Variants in CTNNA2 observed in about 807,000 individuals in gnomAD.
CTNNA2 encodes catenin alpha 2, also known as catenin alpha-2.
CTNNA2 carries 42 observed loss-of-function variants against 101.0 expected under a neutral mutation model. The ratio of observed to expected loss-of-function variants is 0.42; its 90% CI spans 0.32 to 0.54. CTNNA2 has a LOEUF of 0.54. CTNNA2 is among the 20% of genes least tolerant of loss of function. The pLI is 0.14. For missense variants in CTNNA2, 871 were observed against 1,223.1 expected (o/e 0.71, Z 4.29); for synonymous variants, 450 against 456.4 (o/e 0.99, Z 0.18).
chr2:79,935,155 G>T (rs945807152), intron 7 of CTNNA2, among the ~76,000 whole-genome samples: 4 of 152,170 alleles, frequency 2.6e-5, no homozygotes, highest in African/African-American at 9.7e-5. Flanking sequence ...GCCAGCCGTG[G>T]TGTTAGGTGC....
intron 7 of CTNNA2, among the ~76,000 whole-genome samples, chr2:80,136,936 G>A (rs996297411): frequency 3.3e-5 from 5 of 152,100 alleles, no homozygotes; most frequent in African/African-American, 1.2e-4. Context: ...CTGCATGAAG[G>A]TGGCCTCTTC....
chr2:79,573,606 A>G (rs1675601785), intron 1 of CTNNA2, among the ~76,000 whole-genome samples: 1 of 152,246 alleles, frequency 6.6e-6, no homozygotes, highest in Admixed American at 6.5e-5. Flanking sequence ...TAAATTAAAC[A>G]TAGAACCACG....
At chr2:79,443,796 A>G (rs1055230721) in intron 4 of CTNNA2, among the ~76,000 whole-genome samples, 9 of 152,026 alleles carry the variant, frequency 5.9e-5, no homozygotes, top group Non-Finnish European at 1.2e-4. Context: ...ATATTATGTA[A>G]GGCTTTCTGT....
rs75670460 is a variant in CTNNA2 at position 80,022,650 on chromosome 2, G to C, written c.1056+112853G>C. On this transcript the variant is annotated intron_variant, in intron 7 of 18. Coordinates refer to ENST00000402739, the MANE Select transcript of CTNNA2 (RefSeq NM_001282597.3). ...GGATGAACTAACGGAAGAGACATGG[G>C]GGAAGGAGTGGAAGGAAAAAATCCT... is the stretch of plus-strand genomic sequence containing the variant. Among the ~76,000 whole-genome samples the C allele has an allele frequency of 7.8e-4, 118 of 152,170 alleles. 1 individual carries two copies. In the East Asian group the frequency reaches 0.018, roughly 24 times the overall value.
rs925607826 is a variant in CTNNA2, at chr2:79,639,983, T to C, written c.-5-11569T>C. Among the ~76,000 whole-genome samples, 27 of 151,692 alleles carry C rather than the reference T, an allele frequency of 1.8e-4. No homozygotes were observed. In the South Asian group the frequency reaches 2.3e-3, roughly 13 times the overall value. On this transcript the variant is annotated intron_variant, in intron 1 of 18. Coordinates refer to ENST00000402739, the MANE Select transcript of CTNNA2 (RefSeq NM_001282597.3). Reference sequence around the variant, plus strand: ...GTGTGAAGAGAGAGAGAGAGAAACTTGAACGTGGCAAAGAATCAAGCCCAT... The same window carrying C: ...GTGTGAAGAGAGAGAGAGAGAAACTCGAACGTGGCAAAGAATCAAGCCCAT...
intron 7 of CTNNA2, among the ~76,000 whole-genome samples, chr2:79,933,616 G>A (rs60274840): frequency 0.17 from 25,611 of 151,910 alleles, 2,256 homozygotes; most frequent in Middle Eastern, 0.23. Context: ...CACCACACCT[G>A]ACTAATTTTT....
chr2:80,335,505 C>G (rs1296346762), intron 7 of CTNNA2, among the ~76,000 whole-genome samples: 1 of 152,100 alleles, frequency 6.6e-6, no homozygotes, highest in Non-Finnish European at 1.5e-5. Context: ...AGTGTACAAT[C>G]ACATCAAAAT....
intron 3 of CTNNA2, among the ~76,000 whole-genome samples, chr2:79,758,846 T>A (rs72824512): frequency 0.023 from 3,524 of 152,320 alleles, 49 homozygotes; most frequent in South Asian, 0.036. Flanking sequence ...CAATCCACTG[T>A]TGATCAGTAC....
chr2:79,951,328 G>T (rs1159859707), intron 7 of CTNNA2, among the ~76,000 whole-genome samples: 2 of 152,128 alleles, frequency 1.3e-5, no homozygotes, highest in African/African-American at 2.4e-5. Context: ...TACAGCCAGG[G>T]TTAGTAATCT....
chr2:79,831,545 T>A (rs796936563), intron 3 of CTNNA2, among the ~76,000 whole-genome samples: 12 of 152,286 alleles, frequency 7.9e-5, no homozygotes, highest in African/African-American at 2.9e-4. Context: ...CCCACAATTT[T>A]GCCTTAATAC....
At chr2:79,699,894 A>G (rs1684891983) in intron 2 of CTNNA2, among the ~76,000 whole-genome samples, 1 of 148,280 alleles carries the variant, frequency 6.7e-6, no homozygotes, top group Non-Finnish European at 1.5e-5. Flanking sequence ...TATAATACAT[A>G]TATTTATATA....
intron 7 of CTNNA2, among the ~76,000 whole-genome samples, chr2:79,962,176 G>C (rs1407117380): frequency 6.6e-6 from 1 of 152,228 alleles, no homozygotes; most frequent in Non-Finnish European, 1.5e-5. Context: ...ACCACAATTG[G>C]CTGGCAACTG....
At chr2:80,445,561 T>C (rs761277938) in intron 9 of CTNNA2, among the ~76,000 whole-genome samples, 3 of 152,136 alleles carry the variant, frequency 2.0e-5, no homozygotes, top group Non-Finnish European at 2.9e-5. Flanking sequence ...TGTATAAGAG[T>C]CACCAAGGGG....
rs181992012 is a variant in CTNNA2, at chr2:80,630,879, C to G, written c.2574+11651C>G. Among the ~76,000 whole-genome samples, 6 of 152,132 alleles carry G rather than the reference C, an allele frequency of 3.9e-5. No individual in the cohort carries two copies. The East Asian group carries it at 5.8e-4, about 15-fold the overall frequency. On this transcript the variant is annotated intron_variant, in intron 18 of 18. Coordinates refer to ENST00000402739, the MANE Select transcript of CTNNA2 (RefSeq NM_001282597.3). ...TTAGTGCTGGGTGAGCCCTTCAAACCAAGCAAGTTGTAGGTAGAAGCTGAA... is the reference window on the plus strand; with the variant it reads ...TTAGTGCTGGGTGAGCCCTTCAAACGAAGCAAGTTGTAGGTAGAAGCTGAA...
At chr2:80,531,684 C>G (rs1690557525) in intron 9 of CTNNA2, among the ~76,000 whole-genome samples, 1 of 152,124 alleles carries the variant, frequency 6.6e-6, no homozygotes, top group Admixed American at 6.5e-5. Context: ...TTTTCTGGCC[C>G]CAGAACTTTG....
intron 3 of CTNNA2, among the ~76,000 whole-genome samples, chr2:79,746,013 A>G (rs967259790): frequency 3.3e-5 from 5 of 152,192 alleles, no homozygotes; most frequent in African/African-American, 1.2e-4. Flanking sequence ...TTTCCATAGT[A>G]GTGCACTCCT....
At chr2:79,818,931 A>AG (rs1677784171) in intron 3 of CTNNA2, among the ~76,000 whole-genome samples, 1 of 145,572 alleles carries the variant, frequency 6.9e-6, no homozygotes. Context: ...ATACACACAA[A>AG]AGTATTGCTT....
chr2:80,079,144 T>C (rs4852550), intron 7 of CTNNA2, among the ~76,000 whole-genome samples: 107,381 of 152,086 alleles, frequency 0.71, 39,236 homozygotes, highest in African/African-American at 0.87. Flanking sequence ...CCCTTACTTC[T>C]CTGCTTTCAC....
intron 4 of CTNNA2, among the ~76,000 whole-genome samples, chr2:79,449,422 A>G (rs957693991): frequency 6.6e-6 from 1 of 152,014 alleles, no homozygotes; most frequent in Non-Finnish European, 1.5e-5. Flanking sequence ...GTAGGCTACA[A>G]TGGGCTTATC....
Sources: allele counts gnomAD v4.1 joint callset (sites outside exome capture counted in the v4.1 genomes callset), GRCh38; gene constraint gnomAD v4.1.1; transcripts MANE v1.5; gene names NCBI Gene and HGNC (gene_info 2026-07-23, HGNC 2026-07-21).